Variants in IPO7 observed in about 807,000 individuals in gnomAD.
IPO7 encodes importin 7.
Under a neutral mutation model 136.4 loss-of-function variants are expected in IPO7, and 13 were observed. That is an observed-to-expected ratio of 0.10 (90% CI 0.06 to 0.15). IPO7 has a LOEUF of 0.15. Among genes scored for constraint, IPO7 ranks in the 10% least tolerant of loss-of-function variants. The pLI is 1.00. For synonymous variants in IPO7, 403 were observed against 404.4 expected (o/e 1.00, Z 0.04); for missense variants, 857 against 1,240.6 (o/e 0.69, Z 4.65).
chr11:9,434,582 G>A lies in IPO7; in HGVS notation c.2075-352G>A, dbSNP rs534619171. The stretch of plus-strand genomic sequence containing the variant: ...TTTGGGAAGGTGGGAAAGCACTTCA[G>A]TCCGGGAGTTCTCAACCAGCCTGGG... On this transcript the variant is annotated intron_variant, in intron 18 of 24. Coordinates refer to ENST00000379719, the MANE Select transcript of IPO7 (RefSeq NM_006391.3). Among the ~76,000 whole-genome samples, 5 of 152,270 alleles carry A rather than the reference G, an allele frequency of 3.3e-5. No homozygotes were observed. The South Asian group carries it at 1.0e-3, about 32-fold the overall frequency.
At chr11:9,445,070 C>T in intron 24 of IPO7, 27 bp from the exon 25 acceptor site, 1 of 1,372,540 alleles carries the variant, frequency 7.3e-7, no homozygotes, top group East Asian at 2.3e-5. Context: ...GATTGAATGC[C>T]CTACTAAAAT....
chr11:9,422,998 T>C lies in IPO7; in HGVS notation c.907-8T>C. On this transcript the variant is annotated splice_region_variant and splice_polypyrimidine_tract_variant and intron_variant, in intron 8 of 24. Transcript: ENST00000379719. ...ACATTGATTTGTGATCGAAAATTTT[T>C]TTCCAAGGTTTTATTGAAGGTGTTA... is the stretch of plus-strand genomic sequence containing the variant. 6.6e-7 allele frequency: 1 copy of C among 1,516,266 alleles called. No individual in the cohort carries two copies. 93.9% of individuals were successfully genotyped at this position (1,516,266 alleles called of 1,614,324 possible).
At chr11:9,441,747 A>C (rs1362142619) in intron 23 of IPO7, among the ~76,000 whole-genome samples, 3 of 152,210 alleles carry the variant, frequency 2.0e-5, no homozygotes, top group African/African-American at 7.2e-5. Context: ...TTTAGCTCTG[A>C]ATCTTTTAAG....
At chr11:9,418,786 G>A (rs1015991203) in intron 6 of IPO7, among the ~76,000 whole-genome samples, 5 of 152,122 alleles carry the variant, frequency 3.3e-5, no homozygotes, top group African/African-American at 1.2e-4. Context: ...CATCACCTCA[G>A]AATGTTTGCT....
chr11:9,410,436 C>G (rs1407496641), intron 4 of IPO7, among the ~76,000 whole-genome samples: 1 of 152,100 alleles, frequency 6.6e-6, no homozygotes, highest in Non-Finnish European at 1.5e-5. Context: ...AGGATTAAAG[C>G]TCTTTATTAC....
intron 12 of IPO7, 55 bp downstream of exon 12, chr11:9,425,317 A>C (rs559030393): frequency 4.4e-5 from 47 of 1,065,704 alleles, no homozygotes; most frequent in Non-Finnish European, 6.6e-5. Flanking sequence ...TTAAAAAATA[A>C]ATAGCCAGCC....
intron 18 of IPO7, 120 bp downstream of exon 18, chr11:9,433,966 C>T (rs1217219082): frequency 6.0e-6 from 6 of 993,534 alleles, no homozygotes; most frequent in Non-Finnish European, 8.8e-6. Context: ...TCTTGTTGCC[C>T]AGGCTGGAGT....
intron 4 of IPO7, 53 bp from the exon 5 acceptor site, chr11:9,414,202 A>G (rs1855007307): frequency 7.5e-7 from 1 of 1,324,586 alleles, no homozygotes. Context: ...TTAAATATAT[A>G]TACAATTGTG....
chr11:9,397,204 C>T (rs368546911), intron 1 of IPO7, among the ~76,000 whole-genome samples: 4 of 149,866 alleles, frequency 2.7e-5, no homozygotes, highest in African/African-American at 7.4e-5. Flanking sequence ...ACTGCAGCCT[C>T]GAACTGCAAA....
Position 9,398,631 on chromosome 11 carries a change from C to G in IPO7, c.85-4659C>G, listed in dbSNP as rs984667952. On this transcript the variant is annotated intron_variant, in intron 1 of 24. Coordinates refer to ENST00000379719, the MANE Select transcript of IPO7 (RefSeq NM_006391.3). ...TACATGATAATTGTATAATACATAT[C>G]TATGGGATACAGTGGTGTTTCAGTA... Among the ~76,000 whole-genome samples the G allele has an allele frequency of 2.6e-5, 4 of 152,122 alleles. 1 individual carries two copies. The South Asian group carries it at 8.3e-4, about 32-fold the overall frequency.
Position 9,418,948 on chromosome 11 carries a change from A to G in IPO7, c.727-1463A>G, listed in dbSNP as rs111393115. Among the ~76,000 whole-genome samples the G allele has an allele frequency of 2.9e-3, 435 of 152,226 alleles. 3 individuals carry two copies. Among genetic ancestry groups the G allele is most frequent in the Middle Eastern group, 0.01 (3 of 294 alleles). On this transcript the variant is annotated intron_variant, in intron 6 of 24. Coordinates refer to ENST00000379719, the MANE Select transcript of IPO7 (RefSeq NM_006391.3). ...TCATGTTGTATAGTGGTAGTTTATT[A>G]TTTTTTATTGCTGAGCGGTATCCCA...
chr11:9,427,322 G>A (rs572529107), intron 12 of IPO7, among the ~76,000 whole-genome samples: 2 of 151,994 alleles, frequency 1.3e-5, no homozygotes, highest in East Asian at 1.9e-4. Context: ...GTGCAGTGGC[G>A]TGATCTCTGC....
At position 9,402,461 on chromosome 11, in the gene IPO7, C is replaced by T. The variant is rs147635849; in HGVS notation, c.85-829C>T. ...GTTGGGGGTCAGACGCAATGGCTCA[C>T]GCCTGTAACCCCAGTACTTTCAGAG... On this transcript the variant is annotated intron_variant, in intron 1 of 24. Transcript: ENST00000379719. Among the ~76,000 whole-genome samples the T allele has an allele frequency of 3.9e-3, 567 of 147,174 alleles. 1 individual carries two copies. Among genetic ancestry groups the T allele is most frequent in the African/African-American group, 0.014 (545 of 39,446 alleles).
Position 9,438,271 on chromosome 11 carries a change from A to G in IPO7, c.2681A>G (p.Asp894Gly), listed in dbSNP as rs772220602. The change falls in exon 22 of 25, where the codon GAT becomes GGT. Residue 894 changes from aspartate to glycine, a missense_variant. Asp to Gly is a moderately conservative substitution (Grantham distance 94). Transcript: ENST00000379719. ...AGTGATGATGATGATGAAGCTGAAG[A>G]TGATGATGAAACCGGTAAGGGATTT... ...NDSDDDDEAE[D>G]DDETEELGSD... is the part of the protein sequence containing the mutation. The G allele has an allele frequency of 3.2e-6, 5 of 1,547,940 alleles. No homozygotes were observed. In the South Asian group the frequency reaches 4.5e-5, roughly 14 times the overall value.
intron 1 of IPO7, among the ~76,000 whole-genome samples, chr11:9,401,974 CTG>C (rs1227221975): frequency 6.6e-6 from 1 of 152,176 alleles, no homozygotes; most frequent in Non-Finnish European, 1.5e-5. Context: ...CTGGACTAAA[CTG>C]TTCATTTTTA....
At chr11:9,431,937 T>C (rs1855300026) in intron 16 of IPO7, among the ~76,000 whole-genome samples, 1 of 151,982 alleles carries the variant, frequency 6.6e-6, no homozygotes, top group Admixed American at 6.6e-5. Context: ...ATCGCGCCAC[T>C]GCACTCCAGC....
At chr11:9,422,213 A>T (rs1198471240) in intron 8 of IPO7, among the ~76,000 whole-genome samples, 1 of 152,130 alleles carries the variant, frequency 6.6e-6, no homozygotes, top group Non-Finnish European at 1.5e-5. Flanking sequence ...CAGGAGGCGG[A>T]GTTTGCGGTG....
At chr11:9,435,218 G>A (rs1338254524) in intron 19 of IPO7, among the ~76,000 whole-genome samples, 187 bp downstream of exon 19, 1 of 152,102 alleles carries the variant, frequency 6.6e-6, no homozygotes, top group South Asian at 2.1e-4. Context: ...TATGTCTTTT[G>A]TGTGCCCTCT....
chr11:9,420,594 G>A lies in IPO7; in HGVS notation c.822-20G>A, dbSNP rs779257691. ...ATAAAGCATTATAAAGAAACAATGGGCATTTTGATGTTCTTTTAGATATGG... is the reference window on the plus strand; with the variant it reads ...ATAAAGCATTATAAAGAAACAATGGACATTTTGATGTTCTTTTAGATATGG... On this transcript the variant is annotated intron_variant, in intron 7 of 24. Coordinates refer to ENST00000379719, the MANE Select transcript of IPO7 (RefSeq NM_006391.3). The A allele has an allele frequency of 3.8e-6, 6 of 1,586,366 alleles. No individual in the cohort carries two copies. Among genetic ancestry groups the A allele is most frequent in the South Asian group, 1.1e-5 (1 of 90,220 alleles).
Sources: allele counts gnomAD v4.1 joint callset (sites outside exome capture counted in the v4.1 genomes callset), GRCh38; gene constraint gnomAD v4.1.1; transcripts MANE v1.5; gene names NCBI Gene and HGNC (gene_info 2026-07-23, HGNC 2026-07-21).